FBXO34: variants seen among roughly 807,000 people sequenced by gnomAD.
FBXO34 encodes the protein F-box protein 34.
A neutral mutation model predicts 24.5 loss-of-function variants in FBXO34; 12 were observed. That is an observed-to-expected ratio of 0.49 (90% CI 0.31 to 0.79). The LOEUF (loss-of-function observed/expected upper bound fraction) is 0.79. Among genes scored for constraint, FBXO34 ranks in the 30% least tolerant of loss-of-function variants. The pLI is 0.04. For missense variants in FBXO34, 823 were observed against 857.7 expected, an observed-to-expected ratio of 0.96 and a Z score of 0.51; for synonymous variants, 320 against 311.9, an observed-to-expected ratio of 1.03 and a Z score of -0.27.
the FBXO34 span, chr14:55,436,974 T>C: frequency 6.2e-7 from 1 of 1,614,174 alleles, no homozygotes; most frequent in Admixed American, 1.7e-5. Flanking sequence ...TATCATAAGG[T>C]ACAACTGGGC....
chr14:55,395,519 G>C, the FBXO34 span, among the ~76,000 whole-genome samples: 1 of 152,134 alleles, frequency 6.6e-6, no homozygotes, highest in African/African-American at 2.4e-5. Flanking sequence ...CACCTGGCCG[G>C]AAGTTTTAAA....
chr14:55,402,652 A>G, the FBXO34 span, among the ~76,000 whole-genome samples: 1 of 151,838 alleles, frequency 6.6e-6, no homozygotes, highest in Non-Finnish European at 1.5e-5. Context: ...ATAAGATTTA[A>G]AAACCTGGTC....
the FBXO34 span, chr14:55,440,564 C>A: frequency 1.9e-6 from 3 of 1,568,972 alleles, no homozygotes; most frequent in South Asian, 1.2e-5. Context: ...CTGGGGGCAG[C>A]GAGGCGGGGC....
At chr14:55,278,631 A>G (rs1351070708) in intron 1 of FBXO34, among the ~76,000 whole-genome samples, 2 of 152,226 alleles carry the variant, frequency 1.3e-5, no homozygotes, top group Non-Finnish European at 2.9e-5. Flanking sequence ...CTACTGTACA[A>G]AGAAAACTAG....
chr14:55,395,137 CT>C, the FBXO34 span: 14 of 476,128 alleles, frequency 2.9e-5, 1 homozygote, highest in South Asian at 2.1e-4. Context: ...TTCGTTTCCA[CT>C]TTTGCAGGAG....
downstream of FBXO34, among the ~76,000 whole-genome samples, chr14:55,363,700 A>C (rs765160477): frequency 5.3e-5 from 8 of 152,166 alleles, no homozygotes; most frequent in Non-Finnish European, 7.3e-5. Context: ...ATGGCTTTGA[A>C]TGTGGCCCAA....
the FBXO34 span, chr14:55,377,845 G>A: frequency 5.7e-5 from 91 of 1,599,858 alleles, no homozygotes; most frequent in Non-Finnish European, 6.9e-5. Context: ...AGCTTGGACT[G>A]ACCAGGTACA....
chr14:55,370,656 T>A (rs551099162), downstream of FBXO34, among the ~76,000 whole-genome samples: 42 of 152,132 alleles, frequency 2.8e-4, no homozygotes, highest in African/African-American at 8.0e-4. Flanking sequence ...TTTTTTTTTT[T>A]ATTTAGACAG....
At chr14:55,321,232 C>T (rs1883123996) in intron 1 of FBXO34, among the ~76,000 whole-genome samples, 1 of 149,254 alleles carries the variant, frequency 6.7e-6, no homozygotes, top group Non-Finnish European at 1.5e-5. Flanking sequence ...ATTTGGCCAT[C>T]TTGTAATATA....
At chr14:55,283,897 G>A (rs1020623157) in intron 1 of FBXO34, among the ~76,000 whole-genome samples, 1 of 151,628 alleles carries the variant, frequency 6.6e-6, no homozygotes, top group African/African-American at 2.4e-5. Flanking sequence ...CTGGTAGGAG[G>A]TTATAACTTT....
the FBXO34 span, among the ~76,000 whole-genome samples, chr14:55,439,613 A>ACCCCCCCC: frequency 5.6e-4 from 27 of 47,968 alleles, 3 homozygotes; most frequent in Admixed American, 1.3e-3. Flanking sequence ...GAGAAAAGCA[A>ACCCCCCCC]ACCCCCCCCC....
the FBXO34 span, among the ~76,000 whole-genome samples, chr14:55,418,717 G>GAAAT: frequency 6.6e-6 from 1 of 152,134 alleles, no homozygotes; most frequent in East Asian, 1.9e-4. Flanking sequence ...ATGCTAGAGG[G>GAAAT]AAATAAATAA....
At chr14:55,302,853 T>G (rs971494463) in intron 1 of FBXO34, among the ~76,000 whole-genome samples, 1 of 152,232 alleles carries the variant, frequency 6.6e-6, no homozygotes, top group Non-Finnish European at 1.5e-5. Flanking sequence ...TAAGTAGTTT[T>G]GGGGCAAATG....
At chr14:55,418,950 C>G in the FBXO34 span, among the ~76,000 whole-genome samples, 1 of 152,162 alleles carries the variant, frequency 6.6e-6, no homozygotes. Flanking sequence ...GAAACCAAGT[C>G]GGAGAACTTA....
chr14:55,374,120 A>G (rs2140121366), downstream of FBXO34, among the ~76,000 whole-genome samples: 1 of 152,362 alleles, frequency 6.6e-6, no homozygotes, highest in South Asian at 2.1e-4. Flanking sequence ...ACTACCAGCA[A>G]CGCTGGATTC....
chr14:55,333,381 A>G (rs925681809), intron 1 of FBXO34, among the ~76,000 whole-genome samples: 1 of 152,110 alleles, frequency 6.6e-6, no homozygotes, highest in African/African-American at 2.4e-5. Flanking sequence ...CTAAAATCTG[A>G]TCTTGGGTAT....
chr14:55,424,460 T>G, the FBXO34 span, among the ~76,000 whole-genome samples: 1 of 152,208 alleles, frequency 6.6e-6, no homozygotes, highest in Non-Finnish European at 1.5e-5. Context: ...TAATTTTGGG[T>G]CATAACACAA....
the FBXO34 span, among the ~76,000 whole-genome samples, chr14:55,406,151 A>C: frequency 6.6e-6 from 1 of 152,244 alleles, no homozygotes; most frequent in African/African-American, 2.4e-5. Flanking sequence ...AGATCAATTT[A>C]TTTCTTTAAT....
At chr14:55,416,531 T>C in the FBXO34 span, among the ~76,000 whole-genome samples, 3 of 152,200 alleles carry the variant, frequency 2.0e-5, no homozygotes, top group East Asian at 5.8e-4. Flanking sequence ...CTTCAAAGAT[T>C]TGCGGTGGGG....
Sources: gnomAD v4.1 joint callset for allele counts (sites outside exome capture counted in the v4.1 genomes callset) on GRCh38, gnomAD v4.1.1 for gene constraint, MANE v1.5 for transcripts, NCBI Gene and HGNC (gene_info 2026-07-23, HGNC 2026-07-21) for gene names.